Variants in ANTXR1 observed in about 807,000 individuals in gnomAD.
ANTXR1 encodes ANTXR cell adhesion molecule 1, also known as anthrax toxin receptor 1.
Under a neutral mutation model 78.1 loss-of-function variants are expected in ANTXR1, and 19 were observed. The observed-to-expected ratio is 0.24, with a 90% CI of 0.17 to 0.36. The LOEUF (loss-of-function observed/expected upper bound fraction) is 0.36. ANTXR1 is among the 10% of genes least tolerant of loss of function. The pLI is 1.00. For missense variants in ANTXR1, 518 were observed against 718.6 expected (o/e 0.72, Z 3.19); for synonymous variants, 273 against 260.5 (o/e 1.05, Z -0.46).
intron 12 of ANTXR1, among the ~76,000 whole-genome samples, chr2:69,126,230 A>G (rs1672532274): frequency 2.0e-5 from 3 of 152,144 alleles, no homozygotes; most frequent in Non-Finnish European, 4.4e-5. Context: ...GAGCAAACCA[A>G]TTTTCTTGAA....
Position 69,182,713 on chromosome 2 carries a change from T to C in ANTXR1, c.1353+53T>C, listed in dbSNP as rs544490782. The C allele has an allele frequency of 1.7e-4, 276 of 1,608,782 alleles. No homozygotes were observed. The African/African-American group carries it at 3.4e-3, about 20-fold the overall frequency. ...CATCAGTCCTGATAAAACACTTACA[T>C]AGTGAAGAATCAAAATCTTTCCACA... On this transcript the variant is annotated intron_variant, in intron 16 of 17. Coordinates refer to ENST00000303714, the MANE Select transcript of ANTXR1 (RefSeq NM_032208.3).
chr2:69,140,884 T>A (rs562968131), intron 12 of ANTXR1, among the ~76,000 whole-genome samples: 14 of 152,314 alleles, frequency 9.2e-5, no homozygotes, highest in Non-Finnish European at 1.9e-4. Context: ...CACTTTGGGT[T>A]AAGGAATCTA....
At chr2:69,089,714 T>C (rs1381602222) in intron 8 of ANTXR1, among the ~76,000 whole-genome samples, 1 of 152,242 alleles carries the variant, frequency 6.6e-6, no homozygotes, top group East Asian at 1.9e-4. Flanking sequence ...TGCTTTCTTC[T>C]TTCACAGACT....
At chr2:69,237,879 T>TGTATG (rs1675807755) in intron 17 of ANTXR1, among the ~76,000 whole-genome samples, 2 of 152,214 alleles carry the variant, frequency 1.3e-5, no homozygotes, top group African/African-American at 4.8e-5. Flanking sequence ...TGTGCACACG[T>TGTATG]GTATGAATTT....
At chr2:69,187,433 A>G (rs1454995719) in intron 16 of ANTXR1, among the ~76,000 whole-genome samples, 1 of 152,052 alleles carries the variant, frequency 6.6e-6, no homozygotes, top group Non-Finnish European at 1.5e-5. Flanking sequence ...AAGAAAAAAA[A>G]AAGCGCAACA....
chr2:69,221,000 T>A (rs1402628168), intron 17 of ANTXR1, among the ~76,000 whole-genome samples: 1 of 152,236 alleles, frequency 6.6e-6, no homozygotes, highest in African/African-American at 2.4e-5. Context: ...ATTTAAGGAA[T>A]AGAGGAGATG....
intron 16 of ANTXR1, among the ~76,000 whole-genome samples, chr2:69,187,196 TC>T (rs1362540820): frequency 1.3e-5 from 2 of 151,974 alleles, no homozygotes; most frequent in African/African-American, 4.8e-5. Context: ...ACCCACCATC[TC>T]CCCGTCTAAT....
At chr2:69,148,429 G>A (rs1673291011) in intron 12 of ANTXR1, among the ~76,000 whole-genome samples, 1 of 152,218 alleles carries the variant, frequency 6.6e-6, no homozygotes. Context: ...TACTTGCTGA[G>A]AACAATAGCC....
chr2:69,070,586 G>T (rs1670535878), intron 3 of ANTXR1, 61 bp from the exon 4 acceptor site: 1 of 1,490,898 alleles, frequency 6.7e-7, no homozygotes, highest in South Asian at 1.1e-5. Context: ...TAGTACTTAT[G>T]ACTACAACAG....
chr2:69,013,755 C>A lies in ANTXR1; in HGVS notation c.152+104C>A. ...GGGTCGCCTGGGGACAGGAGCGCAT[C>A]TCCAGGGCCACAGAGGGACCGCGCG... On this transcript the variant is annotated intron_variant, in intron 1 of 17. Coordinates refer to ENST00000303714, the MANE Select transcript of ANTXR1 (RefSeq NM_032208.3). This position sits in a 1 kb window ranked among gnomAD's most constrained non-coding sequence, Gnocchi z 5.0. The A allele has an allele frequency of 6.5e-7, 1 of 1,533,272 alleles. No homozygotes were observed. Among genetic ancestry groups the A allele is most frequent in the Non-Finnish European group, 8.8e-7 (1 of 1,132,150 alleles). The allele number at this position is 1,533,272 out of a possible 1,614,324, so 95.0% of individuals were successfully genotyped here.
At chr2:69,039,997 G>T in intron 1 of ANTXR1, 47 bp from the exon 2 acceptor site, 1 of 1,500,834 alleles carries the variant, frequency 6.7e-7, no homozygotes, top group South Asian at 1.1e-5. Context: ...ACAAGGTAAA[G>T]ACAAGTAAAC....
At chr2:69,110,610 G>A (rs947356081) in intron 10 of ANTXR1, among the ~76,000 whole-genome samples, 17 of 152,110 alleles carry the variant, frequency 1.1e-4, no homozygotes, top group Admixed American at 9.2e-4. Flanking sequence ...TGTAATCCCA[G>A]CACTTTGGGA....
intron 1 of ANTXR1, among the ~76,000 whole-genome samples, chr2:69,016,638 T>A (rs1251181787): frequency 6.6e-6 from 1 of 152,248 alleles, no homozygotes; most frequent in Non-Finnish European, 1.5e-5. Context: ...TCATCTGCGT[T>A]ATGATTCCAC....
chr2:69,156,770 C>T (rs998989236), intron 13 of ANTXR1, among the ~76,000 whole-genome samples: 4 of 152,162 alleles, frequency 2.6e-5, no homozygotes, highest in Non-Finnish European at 4.4e-5. Flanking sequence ...TGATGCTAAG[C>T]CATTCACGAG....
intron 3 of ANTXR1, among the ~76,000 whole-genome samples, chr2:69,058,826 G>C (rs1194897071): frequency 6.6e-6 from 1 of 152,208 alleles, no homozygotes; most frequent in Non-Finnish European, 1.5e-5. Flanking sequence ...AAGAACATTT[G>C]TGATTCATGC....
At chr2:69,228,477 C>T (rs1294272024) in intron 17 of ANTXR1, among the ~76,000 whole-genome samples, 2 of 152,164 alleles carry the variant, frequency 1.3e-5, no homozygotes, top group African/African-American at 4.8e-5. Flanking sequence ...AAACAGACCT[C>T]GATTTATATC....
At chr2:69,141,934 C>T (rs1673080573) in intron 12 of ANTXR1, among the ~76,000 whole-genome samples, 1 of 152,190 alleles carries the variant, frequency 6.6e-6, no homozygotes, top group African/African-American at 2.4e-5. Context: ...TGAAGTCCCC[C>T]ATGTCGTCAG....
At chr2:69,242,841 G>C (rs900478402) in intron 17 of ANTXR1, among the ~76,000 whole-genome samples, 2 of 152,332 alleles carry the variant, frequency 1.3e-5, no homozygotes, top group African/African-American at 4.8e-5. Context: ...CTGTAACCAA[G>C]GCTTAGATTT....
rs138268919 is a variant in ANTXR1 at position 69,028,734 on chromosome 2, G to A, written c.153-11310G>A. Among the ~76,000 whole-genome samples, 12 of 152,240 alleles carry A rather than the reference G, an allele frequency of 7.9e-5. No individual in the cohort carries two copies. In the East Asian group the frequency reaches 2.3e-3, roughly 29 times the overall value. ...TTGCATCAACAGACAAAACCAGTCTGTCGTGAGAAAGGAACAAGCTGAAAA... is the reference window on the plus strand; with the variant it reads ...TTGCATCAACAGACAAAACCAGTCTATCGTGAGAAAGGAACAAGCTGAAAA... On this transcript the variant is annotated intron_variant, in intron 1 of 17. Transcript: ENST00000303714.
Sources: allele counts gnomAD v4.1 joint callset (sites outside exome capture counted in the v4.1 genomes callset), GRCh38; gene constraint gnomAD v4.1.1; non-coding constraint Gnocchi (gnomAD v3.1); transcripts MANE v1.5; gene names NCBI Gene and HGNC (gene_info 2026-07-23, HGNC 2026-07-21).